PDGFD: variants seen among roughly 807,000 people sequenced by gnomAD.
PDGFD encodes platelet-derived growth factor D.
PDGFD carries 30 observed loss-of-function variants against 44.7 expected under a neutral mutation model. That is an observed-to-expected ratio of 0.67 (90% CI 0.50 to 0.91). The LOEUF is 0.91. Among genes scored for constraint, PDGFD ranks in the 40% least tolerant of loss-of-function variants. PDGFD has a pLI of 0.00. For synonymous variants in PDGFD, 173 were observed against 168.4 expected (o/e 1.03, Z -0.21); for missense variants, 445 against 457.8 (o/e 0.97, Z 0.25).
At chr11:104,119,653 A>AT (rs1174067202) in intron 1 of PDGFD, among the ~76,000 whole-genome samples, 37 of 3,546 alleles carry the variant, frequency 0.01, 1 homozygote, top group South Asian at 0.33. Context: ...ATTAATAGAT[A>AT]TATATAATTA....
At chr11:103,929,938 C>T (rs1333090297) in intron 5 of PDGFD, among the ~76,000 whole-genome samples, 1 of 152,112 alleles carries the variant, frequency 6.6e-6, no homozygotes, top group Admixed American at 6.5e-5. Flanking sequence ...GAGAGAGGGG[C>T]TGCCCTTTCT....
chr11:104,071,369 A>G (rs1565326650), intron 1 of PDGFD, among the ~76,000 whole-genome samples: 1 of 151,482 alleles, frequency 6.6e-6, no homozygotes, highest in East Asian at 1.9e-4. Context: ...GTGTGTATAT[A>G]TATTTGTGTG....
chr11:104,101,263 G>A lies in PDGFD; in HGVS notation c.124+62541C>T, dbSNP rs1489094346. On this transcript the variant is annotated intron_variant, in intron 1 of 6. Transcript: ENST00000393158. Reference sequence around the variant, plus strand: ...GGCAACCTCAGGAAAGTCTCAGGATGCAAAATCAATGTGCAAAAATCACAA... The same window carrying A: ...GGCAACCTCAGGAAAGTCTCAGGATACAAAATCAATGTGCAAAAATCACAA... 3.3e-5 allele frequency among the ~76,000 whole-genome samples: 5 copies of A among 152,068 alleles called. No homozygotes were observed. In the East Asian group the frequency reaches 5.8e-4, roughly 18 times the overall value.
chr11:104,128,130 C>G (rs1369015389), intron 1 of PDGFD, among the ~76,000 whole-genome samples: 3 of 109,830 alleles, frequency 2.7e-5, no homozygotes, highest in African/African-American at 3.6e-5. Flanking sequence ...CAGTTTCTGT[C>G]TACTACATCT....
At chr11:103,961,822 CA>C (rs1428776385) in intron 3 of PDGFD, among the ~76,000 whole-genome samples, 1 of 152,130 alleles carries the variant, frequency 6.6e-6, no homozygotes, top group Non-Finnish European at 1.5e-5. Context: ...GAAACAGCCC[CA>C]AAGGGTTAAG....
intron 1 of PDGFD, among the ~76,000 whole-genome samples, chr11:104,006,702 G>A (rs1859707950): frequency 6.6e-6 from 1 of 152,154 alleles, no homozygotes; most frequent in African/African-American, 2.4e-5. Context: ...AAGAGAAGGA[G>A]CATCTGAATA....
rs760898574 is a variant in PDGFD at position 104,163,890 on chromosome 11, G to C, written c.38C>G (p.Ala13Gly). 1 of 1,575,780 alleles carries C rather than the reference G, an allele frequency of 6.3e-7. No homozygotes were observed. Among genetic ancestry groups the C allele is most frequent in the Middle Eastern group, 1.7e-4 (1 of 5,914 alleles). The change falls in exon 1 of 7, where the codon GCA (alanine) becomes GGA (glycine). Residue 13 changes from alanine to glycine, a missense_variant. Transcript: ENST00000393158. ...AGTGTCCCGACAGCTGCAAAAGTTTGCGCAGATTAGAGTGTAGACAAAGAT... is the reference window on the plus strand; with the variant it reads ...AGTGTCCCGACAGCTGCAAAAGTTTCCGCAGATTAGAGTGTAGACAAAGAT... ...RLIFVYTLIC[A>G]NFCSCRDTSA... is the part of the protein sequence containing the mutation.
At chr11:104,067,125 G>C (rs1368662823) in intron 1 of PDGFD, among the ~76,000 whole-genome samples, 1 of 152,102 alleles carries the variant, frequency 6.6e-6, no homozygotes, top group Non-Finnish European at 1.5e-5. Context: ...AATAAAATGT[G>C]TATATTAGTG....
chr11:104,098,223 G>A (rs1861313271), intron 1 of PDGFD, among the ~76,000 whole-genome samples: 1 of 152,068 alleles, frequency 6.6e-6, no homozygotes, highest in South Asian at 2.1e-4. Context: ...GCATTTATTT[G>A]GTGAGAGAAA....
At chr11:104,121,530 T>C (rs867224548) in intron 1 of PDGFD, among the ~76,000 whole-genome samples, 8 of 152,158 alleles carry the variant, frequency 5.3e-5, no homozygotes, top group Non-Finnish European at 8.8e-5. Context: ...CCAACAATTT[T>C]GTGGAACATA....
chr11:104,098,712 A>G (rs574494), intron 1 of PDGFD, among the ~76,000 whole-genome samples: 106,509 of 151,314 alleles, frequency 0.7, 37,802 homozygotes, highest in East Asian at 0.98. Context: ...GATGGGGTCT[A>G]GCTATGTTGC....
intron 1 of PDGFD, among the ~76,000 whole-genome samples, chr11:104,035,637 ACATATGACTTCAT>A (rs1289592063): frequency 2.1e-5 from 3 of 142,806 alleles, no homozygotes; most frequent in Non-Finnish European, 4.5e-5. Context: ...CCGTAGATTC[ACATATGACTTCAT>A]CAATTGGCTC....
At chr11:104,134,449 C>CA (rs956246240) in intron 1 of PDGFD, among the ~76,000 whole-genome samples, 18 of 150,138 alleles carry the variant, frequency 1.2e-4, no homozygotes, top group Admixed American at 4.6e-4. Flanking sequence ...GAATAAACCT[C>CA]AAAAAAAAAG....
chr11:104,129,559 T>C (rs933597927), intron 1 of PDGFD, among the ~76,000 whole-genome samples: 2 of 152,150 alleles, frequency 1.3e-5, no homozygotes, highest in Non-Finnish European at 1.5e-5. Flanking sequence ...CAGGGAGCAT[T>C]GTGCACCAGC....
At chr11:103,919,998 G>A (rs1459491817) in intron 6 of PDGFD, among the ~76,000 whole-genome samples, 1 of 152,206 alleles carries the variant, frequency 6.6e-6, no homozygotes, top group Non-Finnish European at 1.5e-5. Flanking sequence ...CTTGAGAAGG[G>A]ATAACATATT....
chr11:104,096,909 T>C (rs1861297456), intron 1 of PDGFD, among the ~76,000 whole-genome samples: 3 of 152,182 alleles, frequency 2.0e-5, no homozygotes, highest in Admixed American at 2.0e-4. Context: ...AGATGGATTA[T>C]ATGGTTAGGG....
chr11:103,959,815 C>T (rs890749503), intron 3 of PDGFD, among the ~76,000 whole-genome samples: 24 of 152,182 alleles, frequency 1.6e-4, no homozygotes, highest in African/African-American at 5.8e-4. Context: ...CATAGGACTT[C>T]ATCCCTCCAA....
At chr11:104,123,816 T>C (rs553864987) in intron 1 of PDGFD, among the ~76,000 whole-genome samples, 30 of 152,158 alleles carry the variant, frequency 2.0e-4, no homozygotes, top group African/African-American at 6.7e-4. Flanking sequence ...CTTTTTTCTG[T>C]TTTAGTATCT....
intron 1 of PDGFD, among the ~76,000 whole-genome samples, chr11:104,101,018 A>G (rs1488941760): frequency 6.6e-5 from 10 of 152,202 alleles, no homozygotes; most frequent in Admixed American, 6.5e-4. Flanking sequence ...AAAAACTGGA[A>G]GCATTCCCTT....
Sources: gnomAD v4.1 joint callset for allele counts (sites outside exome capture counted in the v4.1 genomes callset) on GRCh38, gnomAD v4.1.1 for gene constraint, MANE v1.5 for transcripts, NCBI Gene and HGNC (gene_info 2026-07-23, HGNC 2026-07-21) for gene names.